Variants in EXOC4 observed in about 807,000 individuals in gnomAD.
EXOC4 encodes exocyst complex component 4.
Under a neutral mutation model 107.2 loss-of-function variants are expected in EXOC4, and 71 were observed. The observed-to-expected ratio is 0.66, with a 90% CI of 0.55 to 0.81. The LOEUF is 0.81. EXOC4 is among the 30% of genes least tolerant of loss of function. EXOC4 has a pLI of 0.00. For synonymous variants in EXOC4, 456 were observed against 441.2 expected, an observed-to-expected ratio of 1.03 and a Z score of -0.42; for missense variants, 1,108 against 1,189.6, an observed-to-expected ratio of 0.93 and a Z score of 1.01.
intron 7 of EXOC4, among the ~76,000 whole-genome samples, chr7:133,383,200 C>T (rs984463070): frequency 7.9e-5 from 12 of 152,162 alleles, no homozygotes; most frequent in Admixed American, 3.9e-4. Flanking sequence ...TTGTTGAATT[C>T]TGCATAGCAA....
rs538187978 is a variant in EXOC4, at chr7:133,606,496, TTTA to T, written c.1418-23528_1418-23526del. ...TGAGAAACTGCTTCCTTTGCTGCTGTTTATTATTATTATTATTATTATTTTTTT... is the reference window on the plus strand; with the variant it reads ...TGAGAAACTGCTTCCTTTGCTGCTGTTTATTATTATTATTATTATTTTTTT... On this transcript the variant is annotated intron_variant, in intron 9 of 17. Coordinates refer to ENST00000253861, the MANE Select transcript of EXOC4 (RefSeq NM_021807.4). Among the ~76,000 whole-genome samples, 842 of 147,336 alleles carry T rather than the reference TTTA, an allele frequency of 5.7e-3. 1 individual carries two copies. Among genetic ancestry groups the T allele is most frequent in the Middle Eastern group, 0.011 (3 of 284 alleles).
chr7:133,356,374 G>C lies in EXOC4; in HGVS notation c.808G>C (p.Asp270His). 1 of 1,614,014 alleles carries C rather than the reference G, an allele frequency of 6.2e-7. No homozygotes were observed. ...LQDIKEDLEL[D>H]PEENSTLFMG... ...GGACATCAAGGAAGATTTAGAATTG[G>C]ATCCAGAGGAAAACAGCACCCTGTT... Residue 270 changes from aspartate (D) to histidine (H), a missense_variant, in exon 6 of 18, where the codon GAT becomes CAT. Physicochemically the swap from Asp to His is moderately conservative, Grantham distance 81. Transcript: ENST00000253861.
At chr7:133,831,496 C>T (rs1314438140) in intron 11 of EXOC4, among the ~76,000 whole-genome samples, 1 of 151,380 alleles carries the variant, frequency 6.6e-6, no homozygotes, top group Non-Finnish European at 1.5e-5. Flanking sequence ...TGAAATCGTT[C>T]TAGCTTTGGA....
At chr7:133,310,297 T>A (rs988989044) in intron 4 of EXOC4, among the ~76,000 whole-genome samples, 3 of 152,106 alleles carry the variant, frequency 2.0e-5, no homozygotes, top group African/African-American at 7.2e-5. Flanking sequence ...GAACCCTGAA[T>A]CTACCTGCAC....
intron 7 of EXOC4, among the ~76,000 whole-genome samples, chr7:133,395,149 A>G (rs1281553947): frequency 6.7e-6 from 1 of 149,372 alleles, no homozygotes. Context: ...GTTGAAGATG[A>G]TGAAAAATCC....
intron 9 of EXOC4, among the ~76,000 whole-genome samples, chr7:133,518,102 A>T (rs368724426): frequency 1.3e-5 from 2 of 151,922 alleles, no homozygotes; most frequent in East Asian, 3.9e-4. Flanking sequence ...GCTTATTCAC[A>T]TGGGAGCAAG....
rs1405201125 is a variant in EXOC4, at chr7:133,516,811, A to G, written c.1417+36673A>G. 4.1e-5 allele frequency among the ~76,000 whole-genome samples: 4 copies of G among 98,470 alleles called. No homozygotes were observed. The East Asian group carries it at 1.0e-3, about 26-fold the overall frequency. The allele number at this position is 98,470 out of a possible 152,430, so 64.6% of individuals were successfully genotyped here. ...CACTTATTTACAGTCGAAAACATTTAGTTAAGATATTTTTACTTTAGGCCA... is the reference window on the plus strand; with the variant it reads ...CACTTATTTACAGTCGAAAACATTTGGTTAAGATATTTTTACTTTAGGCCA... On this transcript the variant is annotated intron_variant, in intron 9 of 17. Transcript: ENST00000253861.
chr7:134,068,807 C>T (rs1263372979), downstream of EXOC4, among the ~76,000 whole-genome samples: 4 of 152,182 alleles, frequency 2.6e-5, no homozygotes, highest in African/African-American at 7.2e-5. Flanking sequence ...CCAATACAGA[C>T]AACTTGAATT....
At chr7:133,966,753 C>A (rs550612295) in intron 14 of EXOC4, among the ~76,000 whole-genome samples, 1 of 152,146 alleles carries the variant, frequency 6.6e-6, no homozygotes, top group Admixed American at 6.5e-5. Context: ...ATTTTCACAT[C>A]AGTGTTCATC....
intron 7 of EXOC4, among the ~76,000 whole-genome samples, chr7:133,429,042 TAAGC>T (rs569650202): frequency 1.3e-5 from 2 of 152,286 alleles, no homozygotes; most frequent in South Asian, 4.1e-4. Context: ...GGGAAAGTAT[TAAGC>T]AAGAGAGGCG....
At chr7:133,371,352 G>A (rs939311804) in intron 6 of EXOC4, among the ~76,000 whole-genome samples, 4 of 152,048 alleles carry the variant, frequency 2.6e-5, no homozygotes, top group African/African-American at 4.8e-5. Flanking sequence ...GTTCCAGCAC[G>A]TTTATGTCCT....
intron 11 of EXOC4, among the ~76,000 whole-genome samples, chr7:133,839,657 G>C (rs1389175180): frequency 6.6e-6 from 1 of 152,184 alleles, no homozygotes; most frequent in Admixed American, 6.5e-5. Flanking sequence ...TGGAGGACTT[G>C]TACCAAGACC....
chr7:133,432,698 G>T (rs1011393045), intron 7 of EXOC4, among the ~76,000 whole-genome samples: 2 of 152,176 alleles, frequency 1.3e-5, no homozygotes, highest in Admixed American at 6.5e-5. Flanking sequence ...TTTGTCAAGT[G>T]CTTTCCACTC....
intron 3 of EXOC4, among the ~76,000 whole-genome samples, chr7:133,298,439 G>A (rs1212841922): frequency 6.6e-6 from 1 of 152,156 alleles, no homozygotes; most frequent in African/African-American, 2.4e-5. Flanking sequence ...GACATGGTGA[G>A]TGACTTTAGG....
intron 11 of EXOC4, among the ~76,000 whole-genome samples, chr7:133,894,461 G>A (rs1439870652): frequency 5.8e-5 from 8 of 137,302 alleles, no homozygotes; most frequent in Non-Finnish European, 9.2e-5. Flanking sequence ...GCTTTGTTCC[G>A]TTGCTGGTGA....
At chr7:133,543,807 T>G (rs574647522) in intron 9 of EXOC4, among the ~76,000 whole-genome samples, 3 of 152,152 alleles carry the variant, frequency 2.0e-5, no homozygotes, top group Non-Finnish European at 4.4e-5. Context: ...TGTTCAAATA[T>G]GGCCATAAAA....
At chr7:133,268,021 A>G (rs1315055205) in intron 1 of EXOC4, among the ~76,000 whole-genome samples, 2 of 152,208 alleles carry the variant, frequency 1.3e-5, no homozygotes, top group Admixed American at 6.5e-5. Flanking sequence ...TGTGATTCAT[A>G]GATTATTTAT....
At chr7:133,601,755 G>C (rs1801812191) in intron 9 of EXOC4, 2 of 152,212 alleles carry the variant, frequency 1.3e-5, no homozygotes, top group East Asian at 3.8e-4. Context: ...GGTTGCACCT[G>C]CTGTATCTTA....
intron 10 of EXOC4, among the ~76,000 whole-genome samples, chr7:133,643,186 C>A (rs1802901444): frequency 1.3e-5 from 2 of 152,098 alleles, no homozygotes; most frequent in Admixed American, 6.5e-5. Flanking sequence ...CTGAGGGACC[C>A]ACAATAGCCT....
Sources: gnomAD v4.1 joint callset for allele counts (sites outside exome capture counted in the v4.1 genomes callset) on GRCh38, gnomAD v4.1.1 for gene constraint, MANE v1.5 for transcripts, NCBI Gene and HGNC (gene_info 2026-07-23, HGNC 2026-07-21) for gene names.